The following JAZF1 variants were observed in gnomAD, a reference collection of about 807,000 sequenced individuals.
JAZF1 encodes the protein juxtaposed with another zinc finger protein 1.
JAZF1 carries 8 observed loss-of-function variants against 26.4 expected under a neutral mutation model. That is an observed-to-expected ratio of 0.30 (90% CI 0.18 to 0.55). The LOEUF is 0.55. Ranked by LOEUF, JAZF1 falls within the 20% of genes least tolerant of loss-of-function variation. JAZF1 has a pLI of 0.94. For missense variants in JAZF1, 199 were observed against 322.0 expected (o/e 0.62, Z 2.92); for synonymous variants, 126 against 122.3 (o/e 1.03, Z -0.20).
intron 3 of JAZF1, among the ~76,000 whole-genome samples, chr7:27,877,412 C>G (rs1209153719): frequency 6.6e-6 from 1 of 152,172 alleles, no homozygotes. Flanking sequence ...GGGTAAAATG[C>G]TCCCCCAAAT....
chr7:28,008,088 G>T (rs1782735228), intron 1 of JAZF1, among the ~76,000 whole-genome samples: 1 of 152,084 alleles, frequency 6.6e-6, no homozygotes, highest in South Asian at 2.1e-4. Context: ...TCTAGTCCAG[G>T]TTCTAACTAT....
intron 1 of JAZF1, among the ~76,000 whole-genome samples, chr7:28,170,428 G>A (rs1256201756): frequency 6.7e-6 from 1 of 149,800 alleles, no homozygotes; most frequent in Non-Finnish European, 1.5e-5. Flanking sequence ...TAGAGGGTTA[G>A]GTATTGTGTT....
intron 3 of JAZF1, among the ~76,000 whole-genome samples, chr7:27,870,547 T>C (rs544437100): frequency 2.5e-3 from 380 of 152,216 alleles, no homozygotes; most frequent in South Asian, 4.4e-3. Flanking sequence ...AATAATAATA[T>C]TTCAAGGCTG....
At chr7:27,865,145 A>G (rs1783452423) in intron 3 of JAZF1, among the ~76,000 whole-genome samples, 1 of 152,156 alleles carries the variant, frequency 6.6e-6, no homozygotes. Context: ...TGAGGCAAGC[A>G]GATCGCTTGA....
At chr7:28,086,511 C>T (rs1562582433) in intron 1 of JAZF1, among the ~76,000 whole-genome samples, 1 of 152,142 alleles carries the variant, frequency 6.6e-6, no homozygotes, top group African/African-American at 2.4e-5. Context: ...TATTTCACTG[C>T]CTGTCACAGT....
chr7:28,036,469 T>C (rs2128376123), intron 1 of JAZF1, among the ~76,000 whole-genome samples: 1 of 152,338 alleles, frequency 6.6e-6, no homozygotes, highest in East Asian at 1.9e-4. Context: ...TCACTCATTT[T>C]TGGGGGGAAC....
intron 2 of JAZF1, among the ~76,000 whole-genome samples, chr7:27,938,272 T>C (rs1017487025): frequency 6.6e-6 from 1 of 152,244 alleles, no homozygotes; most frequent in African/African-American, 2.4e-5. Flanking sequence ...ATCCTTAGGT[T>C]ATATTGTATC....
intron 4 of JAZF1, among the ~76,000 whole-genome samples, chr7:27,836,493 G>A (rs1782816402): frequency 6.6e-6 from 1 of 152,196 alleles, no homozygotes; most frequent in Non-Finnish European, 1.5e-5. Flanking sequence ...TTTGTTGTCA[G>A]TACTCAGGCC....
chr7:28,052,698 T>C (rs973079084), intron 1 of JAZF1, among the ~76,000 whole-genome samples: 1 of 152,204 alleles, frequency 6.6e-6, no homozygotes, highest in Admixed American at 6.5e-5. Flanking sequence ...GCTGATCAAC[T>C]AGGATGTAAA....
chr7:27,866,703 A>T (rs551253074), intron 3 of JAZF1, among the ~76,000 whole-genome samples: 1 of 152,348 alleles, frequency 6.6e-6, no homozygotes, highest in South Asian at 2.1e-4. Context: ...TAATTAGTGG[A>T]CTAAAATGTC....
At chr7:27,995,204 C>T (rs749648569) in intron 1 of JAZF1, among the ~76,000 whole-genome samples, 8 of 152,102 alleles carry the variant, frequency 5.3e-5, no homozygotes, top group East Asian at 1.9e-4. Flanking sequence ...TTTATGGTGC[C>T]GATAAAAATC....
chr7:27,889,907 T>A, intron 3 of JAZF1, among the ~76,000 whole-genome samples: 1 of 149,092 alleles, frequency 6.7e-6, no homozygotes, highest in South Asian at 2.2e-4. Context: ...CACTCCAGCC[T>A]GAGTGATAGA....
intron 1 of JAZF1, among the ~76,000 whole-genome samples, chr7:28,145,868 A>C (rs2127946792): frequency 6.6e-6 from 1 of 152,280 alleles, no homozygotes; most frequent in East Asian, 1.9e-4. Context: ...ATAAAGTAAA[A>C]TCAAACTGTA....
intron 1 of JAZF1, among the ~76,000 whole-genome samples, chr7:28,090,972 G>T (rs991729297): frequency 6.6e-6 from 1 of 150,796 alleles, no homozygotes; most frequent in East Asian, 1.9e-4. Context: ...GACTACAGGC[G>T]CCCGCCACCG....
At chr7:28,116,681 C>G (rs1328189432) in intron 1 of JAZF1, among the ~76,000 whole-genome samples, 1 of 152,088 alleles carries the variant, frequency 6.6e-6, no homozygotes, top group Non-Finnish European at 1.5e-5. Flanking sequence ...AACTCCTGAC[C>G]TCGTGATCCA....
chr7:27,999,223 ACT>A (rs1308150422), intron 1 of JAZF1, among the ~76,000 whole-genome samples: 1 of 152,160 alleles, frequency 6.6e-6, no homozygotes, highest in Non-Finnish European at 1.5e-5. Flanking sequence ...TAAGGCCAAA[ACT>A]TGGTCCCATT....
At chr7:27,975,424 G>T (rs1785452635) in intron 2 of JAZF1, among the ~76,000 whole-genome samples, 1 of 152,130 alleles carries the variant, frequency 6.6e-6, no homozygotes, top group East Asian at 1.9e-4. Flanking sequence ...ATCTCAACAT[G>T]AGATTTGGAG....
intron 3 of JAZF1, among the ~76,000 whole-genome samples, chr7:27,848,877 G>T (rs1409483947): frequency 2.6e-5 from 4 of 152,114 alleles, no homozygotes; most frequent in Non-Finnish European, 5.9e-5. Context: ...CTAAGAATGG[G>T]CAAATTTTGT....
chr7:28,125,484 G>A (rs1403332954), intron 1 of JAZF1, among the ~76,000 whole-genome samples: 3 of 152,196 alleles, frequency 2.0e-5, no homozygotes, highest in Non-Finnish European at 2.9e-5. Flanking sequence ...CCTAGCAACA[G>A]CGGGGCTAAA....
Sources: gnomAD v4.1 joint callset for allele counts (sites outside exome capture counted in the v4.1 genomes callset) on GRCh38, gnomAD v4.1.1 for gene constraint, MANE v1.5 for transcripts, NCBI Gene and HGNC (gene_info 2026-07-23, HGNC 2026-07-21) for gene names.